The following HSF5 variants were observed in gnomAD, a reference collection of about 807,000 sequenced individuals.
The protein encoded by HSF5 is heat shock factor protein 5.
Under a neutral mutation model 50.8 loss-of-function variants are expected in HSF5, and 5 were observed. The ratio of observed to expected loss-of-function variants is 0.10; its 90% CI spans 0.05 to 0.21. The LOEUF (loss-of-function observed/expected upper bound fraction) is 0.21, where lower values mean the gene tolerates loss of function less well. HSF5 is among the 10% of genes least tolerant of loss of function. HSF5 has a pLI of 1.00. For synonymous variants in HSF5, 307 were observed against 307.4 expected (o/e 1.00, Z 0.02); for missense variants, 564 against 762.6 (o/e 0.74, Z 3.07).
intron 5 of HSF5, among the ~76,000 whole-genome samples, chr17:58,447,870 C>G (rs911364845): frequency 6.6e-6 from 1 of 152,194 alleles, no homozygotes; most frequent in African/African-American, 2.4e-5. Flanking sequence ...GAACATTCAT[C>G]TGGGCGCAGT....
At chr17:58,452,063 T>C (rs1053527763) in intron 5 of HSF5, among the ~76,000 whole-genome samples, 1 of 150,494 alleles carries the variant, frequency 6.6e-6, no homozygotes, top group Non-Finnish European at 1.5e-5. Context: ...CTGGGCAACC[T>C]AGCAAGACCC....
At chr17:58,474,958 C>G (rs1195643280) in intron 2 of HSF5, among the ~76,000 whole-genome samples, 1 of 152,094 alleles carries the variant, frequency 6.6e-6, no homozygotes, top group Non-Finnish European at 1.5e-5. Flanking sequence ...AAAAATTAGG[C>G]CTTAACCATT....
chr17:58,451,207 C>A (rs535287466), intron 5 of HSF5, among the ~76,000 whole-genome samples: 4 of 152,170 alleles, frequency 2.6e-5, no homozygotes, highest in East Asian at 3.9e-4. Flanking sequence ...ATTAACAAAC[C>A]TAAAAGGAGA....
intron 5 of HSF5, among the ~76,000 whole-genome samples, chr17:58,428,479 G>A (rs1323038477): frequency 1.3e-5 from 2 of 152,106 alleles, no homozygotes; most frequent in East Asian, 3.9e-4. Flanking sequence ...CTAACACAGT[G>A]AAACCCTGCC....
chr17:58,477,050 G>A, intron 2 of HSF5: 1 of 521,560 alleles, frequency 1.9e-6, no homozygotes, highest in East Asian at 3.3e-5. Context: ...GCTGGGTCCA[G>A]CCACCTCCTC....
At chr17:58,445,630 T>C (rs188800567) in intron 5 of HSF5, among the ~76,000 whole-genome samples, 2 of 152,216 alleles carry the variant, frequency 1.3e-5, no homozygotes, top group African/African-American at 4.8e-5. Context: ...GTCACAAAAA[T>C]ACAAATGCTG....
intron 5 of HSF5, among the ~76,000 whole-genome samples, chr17:58,436,462 T>C (rs1326588422): frequency 1.3e-5 from 2 of 152,064 alleles, no homozygotes; most frequent in East Asian, 3.8e-4. Flanking sequence ...ACAACTCTTA[T>C]GTTTCACAGC....
At chr17:58,450,338 C>CAAAAAAAA (rs758990551) in intron 5 of HSF5, among the ~76,000 whole-genome samples, 2 of 51,940 alleles carry the variant, frequency 3.9e-5, no homozygotes, top group Admixed American at 2.8e-4. Flanking sequence ...GACTTTGTCT[C>CAAAAAAAA]AAAAAAAAAA....
chr17:58,486,938 C>T (rs1191517352), intron 1 of HSF5, among the ~76,000 whole-genome samples: 2 of 137,680 alleles, frequency 1.5e-5, no homozygotes, highest in Non-Finnish European at 3.0e-5. Flanking sequence ...GACCGAGTCT[C>T]GCTCTGTTGC....
intron 3 of HSF5, among the ~76,000 whole-genome samples, chr17:58,463,698 A>T (rs1974825969): frequency 6.6e-6 from 1 of 152,254 alleles, no homozygotes; most frequent in Admixed American, 6.5e-5. Flanking sequence ...CAGTAAGGAA[A>T]TTTCAAACAC....
intron 1 of HSF5, among the ~76,000 whole-genome samples, chr17:58,481,728 G>T (rs1216715295): frequency 6.6e-6 from 1 of 152,164 alleles, no homozygotes; most frequent in East Asian, 1.9e-4. Context: ...CGCCAGCCAC[G>T]GTGGCTCATG....
In HSF5 at chr17:58,463,361, G is replaced by A. The variant is rs192254916; in HGVS notation, c.1021-58C>T. 1.7e-5 allele frequency: 24 copies of A among 1,388,844 alleles called. No individual in the cohort carries two copies. In the African/African-American group the frequency reaches 3.2e-4, roughly 18 times the overall value. 86.0% of individuals were successfully genotyped at this position (1,388,844 alleles called of 1,614,324 possible). On this transcript the variant is annotated intron_variant, in intron 3 of 5. Coordinates refer to ENST00000323777, the MANE Select transcript of HSF5 (RefSeq NM_001080439.3). ...GAAAATAAAATATGAGATTAAGGAG[G>A]AAAGCTACAATATTTAGGCTGATGA...
chr17:58,440,082 A>G (rs979997782), intron 5 of HSF5, among the ~76,000 whole-genome samples: 1 of 152,196 alleles, frequency 6.6e-6, no homozygotes, highest in Non-Finnish European at 1.5e-5. Flanking sequence ...CAGATGATAG[A>G]AACAATATTC....
chr17:58,472,730 A>G (rs1260961706), intron 2 of HSF5, among the ~76,000 whole-genome samples: 3 of 152,172 alleles, frequency 2.0e-5, no homozygotes, highest in Non-Finnish European at 4.4e-5. Context: ...TTATTTACTT[A>G]GGGCCCATTA....
At chr17:58,480,663 G>A (rs1160829560) in intron 1 of HSF5, among the ~76,000 whole-genome samples, 1 of 151,708 alleles carries the variant, frequency 6.6e-6, no homozygotes, top group Non-Finnish European at 1.5e-5. Context: ...AAACAATTTT[G>A]TAACATTAAT....
chr17:58,470,310 A>G (rs1043249218), intron 2 of HSF5, among the ~76,000 whole-genome samples: 4 of 152,260 alleles, frequency 2.6e-5, no homozygotes, highest in Middle Eastern at 3.2e-3. Context: ...TGTGTTACAC[A>G]TATACAATGG....
At chr17:58,475,138 T>A (rs935661963) in intron 2 of HSF5, among the ~76,000 whole-genome samples, 1 of 152,216 alleles carries the variant, frequency 6.6e-6, no homozygotes, top group Admixed American at 6.5e-5. Flanking sequence ...ATGATTTTAA[T>A]ATCATTAAAC....
chr17:58,443,939 G>A (rs574517286), intron 5 of HSF5, among the ~76,000 whole-genome samples: 1 of 152,240 alleles, frequency 6.6e-6, no homozygotes, highest in Admixed American at 6.5e-5. Context: ...GAATGTATTT[G>A]TGCACTGTTT....
chr17:58,479,963 C>T lies in HSF5; in HGVS notation c.855G>A (p.Met285Ile), dbSNP rs762108297. ...TACTGTATTTTTGGGAGGAGCTGAC[C>T]ATTGTTTGAGGACCTTGTTGAACAT... ...SVHVQQGPQTMVSSSQKYSNY... is the reference protein window; with the variant it reads ...SVHVQQGPQTIVSSSQKYSNY... The change falls in exon 2 of 6, where the codon ATG (methionine) becomes ATA (isoleucine). Residue 285 changes from methionine (M) to isoleucine (I), a missense_variant. Met to Ile is a conservative substitution (Grantham distance 10). Coordinates refer to ENST00000323777, the MANE Select transcript of HSF5 (RefSeq NM_001080439.3). 1 of 1,613,998 alleles carries T rather than the reference C, an allele frequency of 6.2e-7. No homozygotes were observed. The highest frequency in any genetic ancestry group is 8.5e-7 in the Non-Finnish European group (1 of 1,179,996).
Sources: gnomAD v4.1 joint callset for allele counts (sites outside exome capture counted in the v4.1 genomes callset) on GRCh38, gnomAD v4.1.1 for gene constraint, MANE v1.5 for transcripts, NCBI Gene and HGNC (gene_info 2026-07-23, HGNC 2026-07-21) for gene names.